Variants in KCNIP3 observed in about 807,000 individuals in gnomAD.
KCNIP3 encodes the protein calsenilin.
A neutral mutation model predicts 35.0 loss-of-function variants in KCNIP3; 28 were observed. That is an observed-to-expected ratio of 0.80 (90% CI 0.59 to 1.10). The LOEUF (loss-of-function observed/expected upper bound fraction) is 1.10, where lower values mean the gene tolerates loss of function less well. KCNIP3 is among the 50% of genes least tolerant of loss of function. The probability of loss-of-function intolerance (pLI) is 0.00; values close to 1 mark genes in which losing one functional copy is unlikely to be tolerated. For synonymous variants in KCNIP3, 134 were observed against 133.8 expected (o/e 1.00, Z -0.01); for missense variants, 295 against 338.4 (o/e 0.87, Z 1.01).
chr2:95,372,330 T>C lies in KCNIP3; in HGVS notation c.182-1966T>C, dbSNP rs192244085. 2.0e-5 allele frequency among the ~76,000 whole-genome samples: 3 copies of C among 152,298 alleles called. No homozygotes were observed. The East Asian group carries it at 5.8e-4, about 29-fold the overall frequency. On this transcript the variant is annotated intron_variant, in intron 2 of 8. Transcript: ENST00000295225. Reference sequence around the variant, plus strand: ...TCCTGCCTGCCATAAACCCCTGAGTTGCCTCCAACTCTCCTGCCAAAAATG... The same window carrying C: ...TCCTGCCTGCCATAAACCCCTGAGTCGCCTCCAACTCTCCTGCCAAAAATG...
chr2:95,382,678 C>A lies in KCNIP3; in HGVS notation c.660+197C>A, dbSNP rs1267546437. ...CTACACCACTGCTCTGCCCTGTGGA[C>A]CTCATCTGGGGGCCAGAGCTGGGGA... is the stretch of plus-strand genomic sequence containing the variant. On this transcript the variant is annotated intron_variant, in intron 7 of 8. Transcript: ENST00000295225. This position sits in a 1 kb window ranked among gnomAD's most constrained non-coding sequence, Gnocchi z 4.5. 1.3e-5 allele frequency among the ~76,000 whole-genome samples: 2 copies of A among 152,222 alleles called. No homozygotes were observed. The highest frequency in any genetic ancestry group is 2.4e-5 in the African/African-American group (1 of 41,464).
intron 5 of KCNIP3, among the ~76,000 whole-genome samples, chr2:95,375,922 C>A (rs1289269202): frequency 6.6e-6 from 1 of 152,234 alleles, no homozygotes. Flanking sequence ...TTGGCTTCCA[C>A]TGGGCTAAGG....
rs1480803085 is a variant in KCNIP3, at chr2:95,378,883, T to TACAC, written c.448-2712_448-2711insCACA. 6.9e-6 allele frequency among the ~76,000 whole-genome samples: 1 copy of TACAC among 145,334 alleles called. No homozygotes were observed. The highest frequency in any genetic ancestry group is 2.6e-5 in the African/African-American group (1 of 37,824). ...ACATATATACACACACACACATATA[T>TACAC]ATACACACACACACATATATATATA... On this transcript the variant is annotated intron_variant, in intron 5 of 8. Coordinates refer to ENST00000295225, the MANE Select transcript of KCNIP3 (RefSeq NM_013434.5). The surrounding 1 kb of genome is among the most constrained non-coding windows in gnomAD (Gnocchi z 4.0).
chr2:95,349,350 C>T (rs1466725582), intron 2 of KCNIP3, among the ~76,000 whole-genome samples: 1 of 152,190 alleles, frequency 6.6e-6, no homozygotes, highest in Non-Finnish European at 1.5e-5. Context: ...GTCTCTTGTC[C>T]TCTCTGAGCC....
At chr2:95,364,341 T>A (rs1268476005) in intron 2 of KCNIP3, among the ~76,000 whole-genome samples, 2 of 152,230 alleles carry the variant, frequency 1.3e-5, no homozygotes, top group Non-Finnish European at 2.9e-5. Context: ...TTCTTGATCA[T>A]GATGTACTTA....
intron 2 of KCNIP3, among the ~76,000 whole-genome samples, chr2:95,336,038 T>A (rs569556728): frequency 6.6e-6 from 1 of 152,258 alleles, no homozygotes; most frequent in Admixed American, 6.5e-5. Flanking sequence ...TCTCTTGCCA[T>A]GTCTTATAAT....
At chr2:95,324,513 A>AAAATAAAT (rs1182517564) in intron 2 of KCNIP3, among the ~76,000 whole-genome samples, 15 of 56,212 alleles carry the variant, frequency 2.7e-4, no homozygotes, top group Admixed American at 4.0e-4. Context: ...ACTCCGTCTC[A>AAAATAAAT]AAATAAATAG....
Position 95,325,844 on chromosome 2 carries a change from TACAC to T in KCNIP3, c.181+15328_181+15331del, listed in dbSNP as rs1016653498. On this transcript the variant is annotated intron_variant, in intron 2 of 8. Transcript: ENST00000295225. ...ATACACATACACTCATACACACTCA[TACAC>T]ACATACACTCACAGGCACACATACA... Among the ~76,000 whole-genome samples, 22 of 55,362 alleles carry T rather than the reference TACAC, an allele frequency of 4.0e-4. No homozygotes were observed. The East Asian group carries it at 5.3e-3, about 13-fold the overall frequency. The allele number at this position is 55,362 out of a possible 152,430, so 36.3% of individuals were successfully genotyped here. A position where few individuals can be genotyped will look rare whatever the true frequency, so the allele number is the denominator to read the frequency against.
At chr2:95,309,891 C>T (rs768143509) in intron 1 of KCNIP3, among the ~76,000 whole-genome samples, 1 of 152,220 alleles carries the variant, frequency 6.6e-6, no homozygotes, top group Admixed American at 6.5e-5. Flanking sequence ...CTTGCCTCAG[C>T]ATGAAAACTC....
chr2:95,299,649 C>T (rs991804234), intron 1 of KCNIP3, among the ~76,000 whole-genome samples: 8 of 152,388 alleles, frequency 5.2e-5, no homozygotes, highest in South Asian at 4.1e-4. Flanking sequence ...CTGCGACAGG[C>T]GCTGCTGTCG....
intron 2 of KCNIP3, chr2:95,347,221 A>G: frequency 9.1e-7 from 1 of 1,093,258 alleles, no homozygotes; most frequent in Non-Finnish European, 1.3e-6. Flanking sequence ...TGGTCTGGCG[A>G]GGAGCGGCCT....
At chr2:95,367,758 A>ATTT (rs5832800) in intron 2 of KCNIP3, among the ~76,000 whole-genome samples, 5 of 131,802 alleles carry the variant, frequency 3.8e-5, no homozygotes, top group East Asian at 2.2e-4. Flanking sequence ...GTGACTTAAC[A>ATTT]TTTTTTTTTT....
intron 1 of KCNIP3, among the ~76,000 whole-genome samples, chr2:95,306,732 CT>C (rs1195437354): frequency 6.6e-6 from 1 of 152,174 alleles, no homozygotes; most frequent in Non-Finnish European, 1.5e-5. Flanking sequence ...GTTGGGGCAT[CT>C]AATTCATGTT....
At chr2:95,357,152 A>G (rs1366021899) in intron 2 of KCNIP3, among the ~76,000 whole-genome samples, 1 of 152,242 alleles carries the variant, frequency 6.6e-6, no homozygotes, top group African/African-American at 2.4e-5. Flanking sequence ...AGGTGGTAGC[A>G]TCACAGCAGT....
intron 1 of KCNIP3, among the ~76,000 whole-genome samples, chr2:95,301,106 G>A (rs183246069): frequency 8.9e-4 from 121 of 135,340 alleles, no homozygotes; most frequent in Non-Finnish European, 1.3e-3. Context: ...CTCAAGATGG[G>A]CACTCTGGAC....
chr2:95,310,062 G>A (rs970173866), intron 1 of KCNIP3, among the ~76,000 whole-genome samples: 19 of 152,238 alleles, frequency 1.2e-4, no homozygotes, highest in African/African-American at 4.6e-4. Flanking sequence ...TGCCAAGGTG[G>A]AGAATCCAAT....
intron 5 of KCNIP3, among the ~76,000 whole-genome samples, chr2:95,379,131 C>T (rs1169447757): frequency 1.3e-5 from 2 of 151,902 alleles, no homozygotes; most frequent in African/African-American, 2.4e-5. Flanking sequence ...CCCCCAGCCC[C>T]CCACCCATCC....
chr2:95,325,982 C>T (rs1678760141), intron 2 of KCNIP3, among the ~76,000 whole-genome samples: 1 of 150,978 alleles, frequency 6.6e-6, no homozygotes, highest in African/African-American at 2.4e-5. Context: ...CACATACACT[C>T]CTACACACTC....
At chr2:95,338,260 C>T (rs1679110384) in intron 2 of KCNIP3, among the ~76,000 whole-genome samples, 1 of 152,212 alleles carries the variant, frequency 6.6e-6, no homozygotes, top group Admixed American at 6.5e-5. Context: ...CCACCTTAGA[C>T]TCCATTTGAG....
Sources: allele counts gnomAD v4.1 joint callset (sites outside exome capture counted in the v4.1 genomes callset), GRCh38; gene constraint gnomAD v4.1.1; non-coding constraint Gnocchi (gnomAD v3.1); transcripts MANE v1.5; gene names NCBI Gene and HGNC (gene_info 2026-07-23, HGNC 2026-07-21).